SLMAP: variants seen among roughly 807,000 people sequenced by gnomAD.
SLMAP encodes the protein sarcolemmal membrane-associated protein.
Under a neutral mutation model 128.8 loss-of-function variants are expected in SLMAP, and 44 were observed. The observed-to-expected ratio is 0.34, with a 90% CI of 0.27 to 0.44. The LOEUF is 0.44. SLMAP is among the 20% of genes least tolerant of loss of function. The probability of loss-of-function intolerance (pLI) is 1.00; values close to 1 mark genes in which losing one functional copy is unlikely to be tolerated. For missense variants in SLMAP, 787 were observed against 985.3 expected, an observed-to-expected ratio of 0.80 and a Z score of 2.69; for synonymous variants, 327 against 348.8, an observed-to-expected ratio of 0.94 and a Z score of 0.70.
At chr3:57,787,838 G>A (rs1214969639) in intron 2 of SLMAP, among the ~76,000 whole-genome samples, 4 of 152,228 alleles carry the variant, frequency 2.6e-5, no homozygotes, top group African/African-American at 9.6e-5. Flanking sequence ...GGATATAGGA[G>A]TGAAAGATAT....
intron 2 of SLMAP, among the ~76,000 whole-genome samples, chr3:57,804,106 A>G (rs1337882178): frequency 6.6e-6 from 1 of 152,240 alleles, no homozygotes; most frequent in Admixed American, 6.5e-5. Context: ...TCTGCCAAAA[A>G]GTGTTAAAGT....
At chr3:57,759,709 A>G (rs1040967384) in intron 2 of SLMAP, among the ~76,000 whole-genome samples, 4 of 152,230 alleles carry the variant, frequency 2.6e-5, no homozygotes, top group African/African-American at 7.2e-5. Context: ...CTTGGGCAAC[A>G]GGTCTAAACT....
chr3:57,922,844 C>A, intron 22 of SLMAP, 45 bp from the exon 23 acceptor site: 1 of 1,576,566 alleles, frequency 6.3e-7, no homozygotes. Context: ...AACATCATAC[C>A]CATTTTAAGT....
At chr3:57,824,997 AT>A (rs1187841514) in intron 2 of SLMAP, among the ~76,000 whole-genome samples, 3 of 152,110 alleles carry the variant, frequency 2.0e-5, no homozygotes, top group African/African-American at 7.2e-5. Flanking sequence ...ATTCATAGGT[AT>A]TTTATTCTTC....
intron 2 of SLMAP, among the ~76,000 whole-genome samples, chr3:57,825,485 A>G (rs946936188): frequency 6.8e-6 from 1 of 147,486 alleles, no homozygotes; most frequent in Non-Finnish European, 1.5e-5. Context: ...CTGCATTGAG[A>G]TGATTGTGTG....
intron 13 of SLMAP, among the ~76,000 whole-genome samples, chr3:57,868,884 T>A (rs1259771168): frequency 7.2e-6 from 1 of 138,016 alleles, no homozygotes; most frequent in Non-Finnish European, 1.5e-5. Flanking sequence ...TTATATATAA[T>A]ATATATTATA....
chr3:57,809,591 C>G (rs2090560818), intron 2 of SLMAP, among the ~76,000 whole-genome samples: 1 of 152,172 alleles, frequency 6.6e-6, no homozygotes, highest in African/African-American at 2.4e-5. Flanking sequence ...GGGTTGGGTC[C>G]CTGGTGAGGC....
At chr3:57,789,137 T>A (rs539493176) in intron 2 of SLMAP, among the ~76,000 whole-genome samples, 4 of 152,228 alleles carry the variant, frequency 2.6e-5, no homozygotes, top group Non-Finnish European at 5.9e-5. Context: ...GAAATCTTAC[T>A]GAGTTGAATA....
In SLMAP at chr3:57,912,718, T is replaced by C. The variant is rs772466196; in HGVS notation, c.2020+17T>C. ...GGTTGCAAGGTGAATAAATGTATTTTACATAAAGCTGTTAACTTTTGACAA... is the reference window on the plus strand; with the variant it reads ...GGTTGCAAGGTGAATAAATGTATTTCACATAAAGCTGTTAACTTTTGACAA... On this transcript the variant is annotated intron_variant, in intron 20 of 24. Transcript: ENST00000671191. 2 of 1,571,634 alleles carry C rather than the reference T, an allele frequency of 1.3e-6. No homozygotes were observed. Among genetic ancestry groups the C allele is most frequent in the Admixed American group, 1.8e-5 (1 of 57,116 alleles).
intron 15 of SLMAP, among the ~76,000 whole-genome samples, chr3:57,894,035 T>C (rs767606220): frequency 2.0e-5 from 3 of 152,368 alleles, no homozygotes; most frequent in Non-Finnish European, 2.9e-5. Context: ...AGTTATATTT[T>C]AATGTTGTAT....
intron 14 of SLMAP, among the ~76,000 whole-genome samples, chr3:57,880,021 T>C (rs193199630): frequency 2.1e-4 from 32 of 152,122 alleles, no homozygotes; most frequent in Admixed American, 2.0e-3. Context: ...GGGATTTTTA[T>C]TGGAGGGAAG....
rs1172304383 is a variant in SLMAP, at chr3:57,922,945, G to A, written c.2367G>A (p.Glu789=). The change falls in exon 23 of 25, where the codon GAG becomes GAA. Residue 789 remains glutamate, a synonymous_variant. Transcript: ENST00000671191. ...SELKLKFEMT[E]QEKQSITDEL... ...TGAAGTTGAAGTTTGAAATGACTGA[G>A]CAGGAAAAGCAGTCAATCACAGATG... 1.9e-6 allele frequency: 3 copies of A among 1,613,304 alleles called. No individual in the cohort carries two copies. The Admixed American group carries it at 5.0e-5, about 27-fold the overall frequency.
intron 14 of SLMAP, among the ~76,000 whole-genome samples, chr3:57,881,703 C>T (rs2095749246): frequency 1.3e-5 from 2 of 152,158 alleles, no homozygotes; most frequent in African/African-American, 2.4e-5. Context: ...ATGCGCCCAC[C>T]TCGGCCTCCC....
chr3:57,845,705 C>T (rs78474426), intron 4 of SLMAP, among the ~76,000 whole-genome samples: 1,572 of 152,228 alleles, frequency 0.01, 20 homozygotes, highest in Non-Finnish European at 0.017. Context: ...ACTCCAGCTT[C>T]CTTAGCTGCT....
At chr3:57,892,932 T>C (rs1985827) in intron 15 of SLMAP, among the ~76,000 whole-genome samples, 45,538 of 150,020 alleles carry the variant, frequency 0.3, 7,246 homozygotes, top group East Asian at 0.51. Context: ...CTCCAGGGTT[T>C]GTGCCATTCT....
At chr3:57,864,326 G>A (rs953457290) in intron 10 of SLMAP, among the ~76,000 whole-genome samples, 1 of 151,892 alleles carries the variant, frequency 6.6e-6, no homozygotes, top group African/African-American at 2.4e-5. Flanking sequence ...AGAATCACTC[G>A]AACCCGGGAG....
intron 2 of SLMAP, among the ~76,000 whole-genome samples, chr3:57,791,081 C>T (rs1324790800): frequency 6.6e-6 from 1 of 152,056 alleles, no homozygotes; most frequent in Non-Finnish European, 1.5e-5. Context: ...ATTGGATGGA[C>T]GCGTTGGCTT....
At chr3:57,893,158 A>T (rs1043580211) in intron 15 of SLMAP, among the ~76,000 whole-genome samples, 1 of 150,854 alleles carries the variant, frequency 6.6e-6, no homozygotes, top group Non-Finnish European at 1.5e-5. Flanking sequence ...ATCATCCTTT[A>T]AAAAAAAATA....
At chr3:57,840,219 A>T (rs1156525663) in intron 3 of SLMAP, among the ~76,000 whole-genome samples, 1 of 152,160 alleles carries the variant, frequency 6.6e-6, no homozygotes, top group East Asian at 1.9e-4. Context: ...CTCCCAAAGT[A>T]CCGGGATTAC....
Sources: gnomAD v4.1 joint callset for allele counts (sites outside exome capture counted in the v4.1 genomes callset) on GRCh38, gnomAD v4.1.1 for gene constraint, MANE v1.5 for transcripts, NCBI Gene and HGNC (gene_info 2026-07-23, HGNC 2026-07-21) for gene names.